Variants in TNIK observed in about 807,000 individuals in gnomAD.
TNIK encodes the protein TRAF2 and NCK interacting kinase.
In TNIK, 49 loss-of-function variants were observed where a neutral mutation model predicts 191.3. The observed-to-expected ratio is 0.26, with a 90% CI of 0.20 to 0.32. The LOEUF (loss-of-function observed/expected upper bound fraction) is 0.32. Ranked by LOEUF, TNIK falls within the 10% of genes least tolerant of loss-of-function variation. The pLI is 1.00. For synonymous variants in TNIK, 594 were observed against 600.9 expected, an observed-to-expected ratio of 0.99 and a Z score of 0.17; for missense variants, 1,155 against 1,702.3, an observed-to-expected ratio of 0.68 and a Z score of 5.66.
intron 7 of TNIK, among the ~76,000 whole-genome samples, chr3:171,186,437 A>AT (rs1454725279): frequency 1.3e-5 from 2 of 152,202 alleles, no homozygotes; most frequent in Admixed American, 1.3e-4. Flanking sequence ...ACCACTATGA[A>AT]TTTTTTTAAA....
At chr3:171,403,135 C>T (rs955467149) in intron 1 of TNIK, among the ~76,000 whole-genome samples, 8 of 152,136 alleles carry the variant, frequency 5.3e-5, no homozygotes, top group Non-Finnish European at 1.2e-4. Context: ...AGGCCTAGGG[C>T]ACAGATAGTC....
chr3:171,202,463 A>G (rs1739535221), intron 4 of TNIK, among the ~76,000 whole-genome samples: 2 of 152,180 alleles, frequency 1.3e-5, no homozygotes, highest in South Asian at 2.1e-4. Context: ...GAGAAACACA[A>G]TATAAATAGG....
At chr3:171,271,141 G>A (rs1337113575) in intron 2 of TNIK, among the ~76,000 whole-genome samples, 1 of 152,144 alleles carries the variant, frequency 6.6e-6, no homozygotes, top group African/African-American at 2.4e-5. Context: ...TATTCTTACT[G>A]TGCCAGGGTT....
intron 12 of TNIK, among the ~76,000 whole-genome samples, chr3:171,156,221 T>C (rs1485669080): frequency 1.3e-5 from 2 of 152,192 alleles, no homozygotes; most frequent in African/African-American, 4.8e-5. Context: ...ATTGTAACCA[T>C]TGGGTATTAT....
At chr3:171,404,012 A>G (rs1330819111) in intron 1 of TNIK, among the ~76,000 whole-genome samples, 1 of 152,258 alleles carries the variant, frequency 6.6e-6, no homozygotes, top group Non-Finnish European at 1.5e-5. Context: ...AAATAAAATC[A>G]GTGAAGATAA....
chr3:171,091,934 T>TTTTC (rs144018156), intron 23 of TNIK, among the ~76,000 whole-genome samples: 29,203 of 148,370 alleles, frequency 0.2, 3,686 homozygotes, highest in Non-Finnish European at 0.29. Context: ...GCAAATGCTA[T>TTTTC]TTTCTTTCTT....
chr3:171,338,659 GTTTTTT>G (rs76315440), intron 2 of TNIK, among the ~76,000 whole-genome samples: 1 of 126,818 alleles, frequency 7.9e-6, no homozygotes, highest in East Asian at 2.3e-4. Flanking sequence ...CAGCTAAGTT[GTTTTTT>G]TTTTTTTTTT....
At chr3:171,087,271 G>A in intron 24 of TNIK, 71 bp downstream of exon 24, 2 of 1,590,350 alleles carry the variant, frequency 1.3e-6, no homozygotes, top group South Asian at 1.1e-5. Context: ...CCTCATTCTT[G>A]AAGAGATCAT....
At chr3:171,289,112 A>G (rs1560379157) in intron 2 of TNIK, among the ~76,000 whole-genome samples, 1 of 152,192 alleles carries the variant, frequency 6.6e-6, no homozygotes, top group East Asian at 1.9e-4. Flanking sequence ...GAAGCTTCAC[A>G]AATAGCTCAT....
At chr3:171,222,228 G>A (rs2422191) in intron 3 of TNIK, among the ~76,000 whole-genome samples, 54,310 of 151,912 alleles carry the variant, frequency 0.36, 10,382 homozygotes, top group African/African-American at 0.48. Context: ...AGATGTCTGT[G>A]GAGAGTGTGG....
At chr3:171,402,455 G>T (rs1396980651) in intron 1 of TNIK, among the ~76,000 whole-genome samples, 4 of 152,302 alleles carry the variant, frequency 2.6e-5, no homozygotes, top group Admixed American at 1.3e-4. Context: ...CTCGAATTTG[G>T]CTGTGAACCA....
intron 2 of TNIK, among the ~76,000 whole-genome samples, chr3:171,311,878 G>T (rs189243126): frequency 3.9e-5 from 6 of 152,122 alleles, no homozygotes; most frequent in East Asian, 3.9e-4. Flanking sequence ...CAGCCACCTA[G>T]ATTTTTATAG....
intron 2 of TNIK, among the ~76,000 whole-genome samples, chr3:171,239,619 C>T (rs1052150618): frequency 2.6e-5 from 4 of 152,234 alleles, no homozygotes; most frequent in Non-Finnish European, 5.9e-5. Context: ...TATCTCTCCC[C>T]CTCCAACAGA....
intron 2 of TNIK, among the ~76,000 whole-genome samples, chr3:171,260,225 A>ACCCC (rs1199281189): frequency 6.6e-6 from 1 of 150,488 alleles, no homozygotes. Context: ...CCACCTGCTA[A>ACCCC]CCCCCACACA....
At chr3:171,249,428 T>C (rs182989167) in intron 2 of TNIK, among the ~76,000 whole-genome samples, 2 of 152,308 alleles carry the variant, frequency 1.3e-5, no homozygotes, top group East Asian at 3.9e-4. Context: ...TCCATCACCA[T>C]TACTAGACAA....
chr3:171,226,479 G>C (rs1382055860), intron 3 of TNIK, among the ~76,000 whole-genome samples: 1 of 152,084 alleles, frequency 6.6e-6, no homozygotes, highest in Non-Finnish European at 1.5e-5. Context: ...TCCCTAGGCT[G>C]TCCACCTTTA....
chr3:171,291,191 G>A (rs1751642459), intron 2 of TNIK, among the ~76,000 whole-genome samples: 2 of 152,092 alleles, frequency 1.3e-5, no homozygotes, highest in Admixed American at 6.6e-5. Flanking sequence ...TGCTATGGCT[G>A]TCATATGCAT....
intron 30 of TNIK, among the ~76,000 whole-genome samples, chr3:171,067,784 C>T (rs1718652844): frequency 6.6e-6 from 1 of 151,860 alleles, no homozygotes; most frequent in Non-Finnish European, 1.5e-5. Context: ...GGCAGCCCAA[C>T]ATGTGCTTGA....
intron 1 of TNIK, among the ~76,000 whole-genome samples, chr3:171,427,717 G>A (rs1259668259): frequency 6.6e-6 from 1 of 152,040 alleles, no homozygotes; most frequent in East Asian, 1.9e-4. Flanking sequence ...CTATAACAAC[G>A]AACAAAATCA....
Sources: gnomAD v4.1 joint callset for allele counts (sites outside exome capture counted in the v4.1 genomes callset) on GRCh38, gnomAD v4.1.1 for gene constraint, MANE v1.5 for transcripts, NCBI Gene and HGNC (gene_info 2026-07-23, HGNC 2026-07-21) for gene names.